Variants in TTLL4 observed in about 807,000 individuals in gnomAD.
TTLL4 encodes the protein tubulin tyrosine ligase like 4, also known as tubulin monoglutamylase TTLL4.
Under a neutral mutation model 122.7 loss-of-function variants are expected in TTLL4, and 85 were observed. That is an observed-to-expected ratio of 0.69 (90% CI 0.58 to 0.83). TTLL4 has a LOEUF of 0.83. Ranked by LOEUF, TTLL4 falls within the 40% of genes least tolerant of loss-of-function variation. The pLI is 0.00. For missense variants in TTLL4, 1,363 were observed against 1,488.6 expected, an observed-to-expected ratio of 0.92 and a Z score of 1.39; for synonymous variants, 553 against 563.0, an observed-to-expected ratio of 0.98 and a Z score of 0.25.
chr2:218,739,254 GT>G, intron 3 of TTLL4, 91 bp downstream of exon 3: 1 of 1,460,144 alleles, frequency 6.8e-7, no homozygotes, highest in Non-Finnish European at 9.0e-7. Flanking sequence ...CTGAAGGTTG[GT>G]TTTATTTTTT....
intron 12 of TTLL4, 104 bp downstream of exon 12, chr2:218,748,331 A>T (rs1194693149): frequency 6.7e-7 from 1 of 1,486,780 alleles, no homozygotes; most frequent in Non-Finnish European, 9.0e-7. Context: ...TTAATATAAG[A>T]CCCAGAGATA....
chr2:218,723,378 T>C (rs1244476417), intron 1 of TTLL4, among the ~76,000 whole-genome samples: 1 of 152,240 alleles, frequency 6.6e-6, no homozygotes, highest in Non-Finnish European at 1.5e-5. Flanking sequence ...CACATTTAAA[T>C]AGCATTTTCC....
At chr2:218,732,939 TGTATGTGATACTGTC>T (rs754294983) in intron 2 of TTLL4, among the ~76,000 whole-genome samples, 14 of 152,370 alleles carry the variant, frequency 9.2e-5, no homozygotes, top group Non-Finnish European at 1.8e-4. Flanking sequence ...TTGGAGCATT[TGTATGTGATACTGTC>T]GTGAGTGATA....
intron 16 of TTLL4, 143 bp downstream of exon 16, chr2:218,751,949 C>G (rs552877866): frequency 2.0e-6 from 1 of 506,614 alleles, no homozygotes; most frequent in African/African-American, 2.2e-5. Context: ...CTCTTGTTGC[C>G]CAGGCTGGAG....
At chr2:218,717,223 A>G (rs765023748) in intron 1 of TTLL4, among the ~76,000 whole-genome samples, 2 of 151,966 alleles carry the variant, frequency 1.3e-5, no homozygotes, top group Non-Finnish European at 2.9e-5. Context: ...TTAGCCTCCC[A>G]AAGTGTTGGG....
chr2:218,719,840 G>A (rs1941980776), intron 1 of TTLL4, among the ~76,000 whole-genome samples: 1 of 152,186 alleles, frequency 6.6e-6, no homozygotes, highest in African/African-American at 2.4e-5. Flanking sequence ...AAATTAATCT[G>A]GAGGTTGCCT....
Position 218,747,621 on chromosome 2 carries a change from C to T in TTLL4, c.2274C>T (p.Ile758=), listed in dbSNP as rs760962285. 1 of 1,614,210 alleles carries T rather than the reference C, an allele frequency of 6.2e-7. No individual in the cohort carries two copies. Among genetic ancestry groups the T allele is most frequent in the South Asian group, 1.1e-5 (1 of 91,084 alleles). The change falls in exon 11 of 20, where the codon ATC becomes ATT. Residue 758 remains isoleucine (I), a synonymous_variant. Coordinates refer to ENST00000392102, the MANE Select transcript of TTLL4 (RefSeq NM_014640.5). This position sits in a 1 kb window ranked among gnomAD's most constrained non-coding sequence, Gnocchi z 4.7. ...VQRYLHKPYL[I]SGSKFDLRIY... is the part of the protein sequence containing the mutation. ...GGTATCTACACAAACCCTACCTCAT[C>T]AGCGGCAGCAAGTTTGACCTGCGGA...
rs1250391824 is a variant in TTLL4 at position 218,718,376 on chromosome 2, T to A, written c.-178+7339T>A. 1.3e-5 allele frequency among the ~76,000 whole-genome samples: 2 copies of A among 152,090 alleles called. 1 individual carries two copies. Among genetic ancestry groups the A allele is most frequent in the East Asian group, 3.9e-4 (2 of 5,190 alleles). The stretch of plus-strand genomic sequence containing the variant: ...TGCGACAGCAGCAATAGATTTTCTT[T>A]TCTTTTTTTTTTTTCTTTTGAGACG... On this transcript the variant is annotated intron_variant, in intron 1 of 19. Coordinates refer to ENST00000392102, the MANE Select transcript of TTLL4 (RefSeq NM_014640.5).
chr2:218,748,762 TTCTTCGTTTTTCTTTGTCTTTGTCAC>T, intron 12 of TTLL4, 48 bp from the exon 13 acceptor site: 1 of 1,362,332 alleles, frequency 7.3e-7, no homozygotes, highest in Non-Finnish European at 1.0e-6. Flanking sequence ...ATTAGGTCTC[TTCTTCGTTTTTCTTTGTCTTTGTCAC>T]TCATTCCTAG....
intron 1 of TTLL4, among the ~76,000 whole-genome samples, chr2:218,715,445 A>G (rs982767403): frequency 6.6e-6 from 1 of 152,182 alleles, no homozygotes; most frequent in African/African-American, 2.4e-5. Context: ...AGATCCATAC[A>G]TGATTCTGTA....
At chr2:218,745,877 A>G in intron 7 of TTLL4, 76 bp downstream of exon 7, 12 of 1,350,050 alleles carry the variant, frequency 8.9e-6, no homozygotes, top group Non-Finnish European at 1.3e-5. Flanking sequence ...AGAGCTCTAG[A>G]CACCTCGTGC....
At position 218,738,190 on chromosome 2, in the gene TTLL4, C is replaced by T. The variant is rs775660435; in HGVS notation, c.514C>T (p.Gln172Ter). ...TTCTTCCATGGTCTTCTCCATGGCC[C>T]AGCCCATGGCCTCCTCATCCACAGA... ...ATSSMVFSMA[Q>*]PMASSSTEPY... is the part of the protein sequence containing the mutation. Residue 172 changes from glutamine to a stop codon, truncating the protein, a stop_gained, in exon 3 of 20, where the codon CAG (glutamine) becomes TAG (stop). Transcript: ENST00000392102. LOFTEE classifies it high-confidence loss of function. The T allele has an allele frequency of 1.9e-6, 3 of 1,614,114 alleles. No individual in the cohort carries two copies. In the Admixed American group the frequency reaches 5.0e-5, roughly 27 times the overall value.
Position 218,747,546 on chromosome 2 carries a change from A to T in TTLL4, c.2250-51A>T. 2 of 1,605,234 alleles carry T rather than the reference A, an allele frequency of 1.2e-6. No individual in the cohort carries two copies. Among genetic ancestry groups the T allele is most frequent in the Non-Finnish European group, 1.7e-6 (2 of 1,174,746 alleles). ...GGCTTTTCCTGTGGCTTGGTTACCC[A>T]CTGAGCCCCATCATCTGGCTGTATG... On this transcript the variant is annotated intron_variant, in intron 10 of 19. Coordinates refer to ENST00000392102, the MANE Select transcript of TTLL4 (RefSeq NM_014640.5). The surrounding 1 kb of genome is among the most constrained non-coding windows in gnomAD (Gnocchi z 4.7).
At chr2:218,720,905 G>A (rs370097960) in intron 1 of TTLL4, among the ~76,000 whole-genome samples, 1 of 152,116 alleles carries the variant, frequency 6.6e-6, no homozygotes, top group Non-Finnish European at 1.5e-5. Context: ...CTGGGAAGGG[G>A]AGTGGAGCCA....
intron 14 of TTLL4, 53 bp downstream of exon 14, chr2:218,749,440 C>T: frequency 6.3e-7 from 1 of 1,586,790 alleles, no homozygotes; most frequent in South Asian, 1.2e-5. Context: ...TATTCTCACG[C>T]TCCCATTGCC....
intron 5 of TTLL4, among the ~76,000 whole-genome samples, chr2:218,741,450 G>T (rs972832727): frequency 3.3e-5 from 5 of 152,166 alleles, no homozygotes; most frequent in Admixed American, 6.5e-5. Flanking sequence ...AGCCTTCTCT[G>T]CCTCGTTTAG....
chr2:218,736,444 A>C (rs532439205), intron 2 of TTLL4: 1 of 152,220 alleles, frequency 6.6e-6, no homozygotes, highest in Non-Finnish European at 1.5e-5. Flanking sequence ...TAAAGGAAAC[A>C]CTGATTGAGA....
chr2:218,738,856 G>C lies in TTLL4; in HGVS notation c.1180G>C (p.Gly394Arg). The stretch of plus-strand genomic sequence containing the variant: ...TCAGCAGTTTCCTCAGGAGGATGCT[G>C]GATCGGTCAGGCGGGTCCTCCCTGG... Reference protein sequence around the residue: ...VNQQFPQEDAGSVRRVLPGAS... With the variant: ...VNQQFPQEDARSVRRVLPGAS... The change falls in exon 3 of 20, where the codon GGA (glycine) becomes CGA (arginine). Residue 394 changes from glycine (G) to arginine (R), a missense_variant. Gly to Arg is a moderately radical substitution (Grantham distance 125). Transcript: ENST00000392102. 6.2e-7 allele frequency: 1 copy of C among 1,614,222 alleles called. No individual in the cohort carries two copies.
chr2:218,739,938 A>C (rs1027646267), intron 3 of TTLL4, 120 bp from the exon 4 acceptor site: 2 of 877,808 alleles, frequency 2.3e-6, no homozygotes, highest in Non-Finnish European at 3.6e-6. Flanking sequence ...GGTCCAGGCA[A>C]GAAGTAGCAG....
Sources: gnomAD v4.1 joint callset for allele counts (sites outside exome capture counted in the v4.1 genomes callset) on GRCh38, gnomAD v4.1.1 for gene constraint, Gnocchi (gnomAD v3.1) non-coding constraint, MANE v1.5 for transcripts, NCBI Gene and HGNC (gene_info 2026-07-23, HGNC 2026-07-21) for gene names.